OR2L13: variants seen among roughly 807,000 people sequenced by gnomAD.
The protein encoded by OR2L13 is olfactory receptor 2L13.
Under a neutral mutation model 15.3 loss-of-function variants are expected in OR2L13, and 14 were observed. That is an observed-to-expected ratio of 0.91 (90% CI 0.60 to 1.43). The LOEUF (loss-of-function observed/expected upper bound fraction) is 1.43. OR2L13 is among the 40% of genes most tolerant of loss of function. OR2L13 has a pLI of 0.00. For missense variants in OR2L13, 367 were observed against 387.9 expected (o/e 0.95, Z 0.45); for synonymous variants, 152 against 142.9 (o/e 1.06, Z -0.45).
the OR2L13 span, among the ~76,000 whole-genome samples, chr1:247,992,333 G>A: frequency 6.6e-6 from 1 of 152,202 alleles, no homozygotes; most frequent in Non-Finnish European, 1.5e-5. Flanking sequence ...CCTGTCAACA[G>A]TAGGCTATCA....
At chr1:248,051,517 A>T in the OR2L13 span, among the ~76,000 whole-genome samples, 1 of 152,170 alleles carries the variant, frequency 6.6e-6, no homozygotes, top group Non-Finnish European at 1.5e-5. Context: ...CTCAGGTATA[A>T]TTGGGAGCTA....
the OR2L13 span, among the ~76,000 whole-genome samples, chr1:248,028,184 C>T: frequency 6.9e-6 from 1 of 144,978 alleles, no homozygotes; most frequent in Non-Finnish European, 1.5e-5. Context: ...GTCCAAGTCT[C>T]TCCAGAAGGC....
the OR2L13 span, among the ~76,000 whole-genome samples, chr1:248,050,454 G>A: frequency 6.6e-6 from 1 of 151,948 alleles, no homozygotes; most frequent in African/African-American, 2.4e-5. Flanking sequence ...TTCCTGTCAG[G>A]AACCAGCCTT....
the OR2L13 span, chr1:248,083,540 CTT>C: frequency 2.2e-6 from 2 of 914,998 alleles, no homozygotes; most frequent in Non-Finnish European, 3.4e-6. Context: ...AATGCACAAA[CTT>C]AATTTTCTGT....
At chr1:248,027,079 T>C in the OR2L13 span, among the ~76,000 whole-genome samples, 3 of 152,178 alleles carry the variant, frequency 2.0e-5, no homozygotes, top group Non-Finnish European at 4.4e-5. Flanking sequence ...ATCGCTGAAT[T>C]CTTTTTCTCA....
chr1:248,004,164 C>A, the OR2L13 span: 5 of 1,014,970 alleles, frequency 4.9e-6, no homozygotes, highest in South Asian at 2.4e-5. Flanking sequence ...AGTTCAGGAG[C>A]AAAAAGTAAT....
At chr1:247,988,527 T>A in the OR2L13 span, among the ~76,000 whole-genome samples, 1 of 152,182 alleles carries the variant, frequency 6.6e-6, no homozygotes, top group Admixed American at 6.6e-5. Flanking sequence ...AGGGTATATA[T>A]ACATGTGTAT....
the OR2L13 span, among the ~76,000 whole-genome samples, chr1:248,081,437 T>C: frequency 6.6e-6 from 1 of 152,220 alleles, no homozygotes; most frequent in Non-Finnish European, 1.5e-5. Flanking sequence ...TTAGGCTTAA[T>C]TTTCTGGTTA....
the OR2L13 span, among the ~76,000 whole-genome samples, chr1:247,975,941 T>G: frequency 5.8e-4 from 88 of 152,266 alleles, no homozygotes; most frequent in African/African-American, 2.0e-3. Flanking sequence ...AAACTAATCA[T>G]AGCATTCAGC....
the OR2L13 span, among the ~76,000 whole-genome samples, chr1:248,079,422 A>AT: frequency 3.9e-4 from 59 of 152,286 alleles, no homozygotes; most frequent in African/African-American, 1.4e-3. Flanking sequence ...AAATTTCAGC[A>AT]TTTTTTGTGT....
chr1:248,030,833 G>T, the OR2L13 span, among the ~76,000 whole-genome samples: 1 of 152,160 alleles, frequency 6.6e-6, no homozygotes, highest in Non-Finnish European at 1.5e-5. Flanking sequence ...GTGCCAGTGT[G>T]TGGAGATAGT....
the OR2L13 span, among the ~76,000 whole-genome samples, chr1:248,010,799 G>C: frequency 2.8e-4 from 4 of 14,422 alleles, no homozygotes; most frequent in African/African-American, 4.2e-4. Context: ...CTTTCCATTT[G>C]CTTAGTAAAT....
upstream of OR2L13, among the ~76,000 whole-genome samples, chr1:248,092,340 C>T (rs1437167216): frequency 6.6e-6 from 1 of 152,010 alleles, no homozygotes; most frequent in Non-Finnish European, 1.5e-5. Context: ...GTGTATGTAC[C>T]TAACAACATA....
At chr1:248,022,061 A>C in the OR2L13 span, 25 of 1,613,798 alleles carry the variant, frequency 1.5e-5, no homozygotes, top group Non-Finnish European at 1.8e-5. Flanking sequence ...TAATGGCTCT[A>C]ATTGGAAACC....
At chr1:247,997,255 C>A in the OR2L13 span, among the ~76,000 whole-genome samples, 1 of 151,974 alleles carries the variant, frequency 6.6e-6, no homozygotes, top group Non-Finnish European at 1.5e-5. Flanking sequence ...TATTCATTTA[C>A]TAGAAACAAG....
At chr1:248,070,444 C>G in the OR2L13 span, among the ~76,000 whole-genome samples, 15 of 152,218 alleles carry the variant, frequency 9.9e-5, no homozygotes, top group South Asian at 6.2e-4. Context: ...AAAGACACAA[C>G]ATACCAGAAT....
At chr1:248,055,798 G>A in the OR2L13 span, 1 of 152,236 alleles carries the variant, frequency 6.6e-6, no homozygotes. Flanking sequence ...ATGATTTAGG[G>A]TGGAGTCCCT....
the OR2L13 span, among the ~76,000 whole-genome samples, chr1:247,941,040 G>C: frequency 1.3e-5 from 2 of 152,092 alleles, no homozygotes; most frequent in Non-Finnish European, 2.9e-5. Context: ...TTGGCCACTT[G>C]TATGTCTTCT....
the OR2L13 span, among the ~76,000 whole-genome samples, chr1:248,036,615 G>A: frequency 6.6e-6 from 1 of 152,022 alleles, no homozygotes; most frequent in African/African-American, 2.4e-5. Flanking sequence ...AAGGTCGGCT[G>A]ACCTTTGGCT....
Sources: allele counts gnomAD v4.1 joint callset (sites outside exome capture counted in the v4.1 genomes callset), GRCh38; gene constraint gnomAD v4.1.1; transcripts MANE v1.5; gene names NCBI Gene and HGNC (gene_info 2026-07-23, HGNC 2026-07-21).